The following CTNNA3 variants were observed in gnomAD, a reference collection of about 807,000 sequenced individuals.
The protein encoded by CTNNA3 is catenin alpha-3.
CTNNA3 carries 76 observed loss-of-function variants against 95.7 expected under a neutral mutation model. The ratio of observed to expected loss-of-function variants is 0.79; its 90% CI spans 0.66 to 0.96. CTNNA3 has a LOEUF of 0.96. Among genes scored for constraint, CTNNA3 ranks in the 40% least tolerant of loss-of-function variants. The pLI is 0.00. For missense variants in CTNNA3, 1,191 were observed against 1,089.8 expected (o/e 1.09, Z -1.31); for synonymous variants, 431 against 374.4 (o/e 1.15, Z -1.74).
intron 7 of CTNNA3, among the ~76,000 whole-genome samples, chr10:66,891,884 A>C (rs1243999746): frequency 6.6e-6 from 1 of 152,118 alleles, no homozygotes; most frequent in Non-Finnish European, 1.5e-5. Context: ...CAAATCAAGG[A>C]ATCACAAGGC....
intron 9 of CTNNA3, among the ~76,000 whole-genome samples, chr10:66,736,198 T>A (rs1849133979): frequency 6.6e-6 from 1 of 152,094 alleles, no homozygotes; most frequent in Admixed American, 6.5e-5. Flanking sequence ...ATACTTTTTT[T>A]TTTTTTAGAC....
chr10:67,313,205 G>A (rs1306240708), intron 5 of CTNNA3, among the ~76,000 whole-genome samples: 1 of 152,088 alleles, frequency 6.6e-6, no homozygotes, highest in Non-Finnish European at 1.5e-5. Context: ...GGGAGGCCAA[G>A]GCAGGCGGAT....
chr10:66,709,819 A>G (rs1327643415), intron 9 of CTNNA3, among the ~76,000 whole-genome samples: 3 of 152,102 alleles, frequency 2.0e-5, no homozygotes, highest in African/African-American at 7.2e-5. Flanking sequence ...TACAATACCA[A>G]CAAACATGGC....
chr10:66,322,254 A>AAAACTCG (rs2092198766), intron 12 of CTNNA3, among the ~76,000 whole-genome samples: 1 of 152,152 alleles, frequency 6.6e-6, no homozygotes, highest in South Asian at 2.1e-4. Context: ...AAACTATTGG[A>AAAACTCG]AAACTCGAAA....
At chr10:66,910,128 A>G (rs1226807070) in intron 7 of CTNNA3, among the ~76,000 whole-genome samples, 1 of 152,212 alleles carries the variant, frequency 6.6e-6, no homozygotes, top group East Asian at 1.9e-4. Flanking sequence ...TCACCAGATA[A>G]AAACTAAAGG....
chr10:66,916,971 G>C (rs1846524843), intron 7 of CTNNA3, among the ~76,000 whole-genome samples: 1 of 152,330 alleles, frequency 6.6e-6, no homozygotes, highest in South Asian at 2.1e-4. Flanking sequence ...AACTCAGAAA[G>C]GGATTTTTCT....
At chr10:66,891,643 A>G (rs1335423952) in intron 7 of CTNNA3, among the ~76,000 whole-genome samples, 2 of 152,078 alleles carry the variant, frequency 1.3e-5, no homozygotes, top group African/African-American at 4.8e-5. Flanking sequence ...TTTCAGAGAA[A>G]GTTCTCACTT....
At chr10:67,665,132 A>C (rs1840299644) in intron 1 of CTNNA3, among the ~76,000 whole-genome samples, 1 of 152,200 alleles carries the variant, frequency 6.6e-6, no homozygotes, top group African/African-American at 2.4e-5. Context: ...AGACTACTAT[A>C]GCTTGGGTAT....
intron 7 of CTNNA3, among the ~76,000 whole-genome samples, chr10:66,804,531 T>C (rs12264837): frequency 0.042 from 6,399 of 152,140 alleles, 452 homozygotes; most frequent in African/African-American, 0.15. Context: ...TTATTTTGCC[T>C]TTTTTCTTTG....
intron 7 of CTNNA3, among the ~76,000 whole-genome samples, chr10:66,799,617 A>G (rs985014474): frequency 2.0e-5 from 3 of 151,522 alleles, no homozygotes; most frequent in Non-Finnish European, 4.4e-5. Flanking sequence ...GAAATGTGGG[A>G]CACGGTCAAA....
intron 5 of CTNNA3, among the ~76,000 whole-genome samples, chr10:67,481,990 A>G (rs1425103464): frequency 1.3e-5 from 2 of 151,986 alleles, no homozygotes; most frequent in African/African-American, 4.8e-5. Context: ...TCCCAGCACC[A>G]TTTATTAAAT....
At position 67,110,629 on chromosome 10, in the gene CTNNA3, T is replaced by G. The variant is rs1858871888; in HGVS notation, c.1047+69688A>C. Reference sequence around the variant, plus strand: ...TGATCTCTATCTTTCCTTTGCAGGTTTGTACCCCACCTACTTTGCAAGAAC... The same window carrying G: ...TGATCTCTATCTTTCCTTTGCAGGTGTGTACCCCACCTACTTTGCAAGAAC... On this transcript the variant is annotated intron_variant, in intron 7 of 17. Transcript: ENST00000433211. Among the ~76,000 whole-genome samples the G allele has an allele frequency of 3.3e-5, 5 of 152,140 alleles. No homozygotes were observed. In the South Asian group the frequency reaches 1.0e-3, roughly 31 times the overall value.
At chr10:66,893,756 A>T (rs1433035419) in intron 7 of CTNNA3, among the ~76,000 whole-genome samples, 1 of 152,154 alleles carries the variant, frequency 6.6e-6, no homozygotes, top group Non-Finnish European at 1.5e-5. Context: ...GAAATACTCA[A>T]ATTATTCTGG....
rs546279951 is a variant in CTNNA3 at position 67,541,254 on chromosome 10, T to C, written c.293-1585A>G. On this transcript the variant is annotated intron_variant, in intron 3 of 17. Coordinates refer to ENST00000433211, the MANE Select transcript of CTNNA3 (RefSeq NM_013266.4). ...CCCAAAATTCTCCAAAATACAGTCATCCCATCAAAAATATACAAAAGGGTC... is the reference window on the plus strand; with the variant it reads ...CCCAAAATTCTCCAAAATACAGTCACCCCATCAAAAATATACAAAAGGGTC... 7.9e-5 allele frequency among the ~76,000 whole-genome samples: 12 copies of C among 151,982 alleles called. No homozygotes were observed. In the South Asian group the frequency reaches 2.5e-3, roughly 32 times the overall value.
chr10:67,252,771 A>T (rs181129938), intron 5 of CTNNA3, among the ~76,000 whole-genome samples: 2 of 152,302 alleles, frequency 1.3e-5, no homozygotes, highest in African/African-American at 4.8e-5. Context: ...CCTTGCTGAA[A>T]TTCTCAAATA....
At chr10:67,703,616 G>A (rs1841058751) in intron 1 of CTNNA3, among the ~76,000 whole-genome samples, 1 of 152,108 alleles carries the variant, frequency 6.6e-6, no homozygotes, top group Non-Finnish European at 1.5e-5. Context: ...GGTATCGATG[G>A]GATGTATCTC....
chr10:66,652,803 G>T (rs2132419553), intron 9 of CTNNA3, among the ~76,000 whole-genome samples: 1 of 152,152 alleles, frequency 6.6e-6, no homozygotes, highest in East Asian at 1.9e-4. Flanking sequence ...GATCAAGTAG[G>T]ATTTATTCCA....
intron 5 of CTNNA3, among the ~76,000 whole-genome samples, chr10:67,369,449 T>C (rs1352110219): frequency 6.6e-6 from 1 of 152,178 alleles, no homozygotes; most frequent in Admixed American, 6.6e-5. Flanking sequence ...TTTTCAACCT[T>C]GGGCCTGCGA....
chr10:66,479,534 C>A (rs138218942), intron 11 of CTNNA3, among the ~76,000 whole-genome samples: 432 of 152,072 alleles, frequency 2.8e-3, no homozygotes, highest in African/African-American at 1.0e-2. Flanking sequence ...AATCATATAA[C>A]ATGGTCTATT....
Sources: allele counts gnomAD v4.1 joint callset (sites outside exome capture counted in the v4.1 genomes callset), GRCh38; gene constraint gnomAD v4.1.1; transcripts MANE v1.5; gene names NCBI Gene and HGNC (gene_info 2026-07-23, HGNC 2026-07-21).